Variants in STAC observed in about 807,000 individuals in gnomAD.
STAC encodes SH3 and cysteine rich domain, also known as SH3 and cysteine-rich domain-containing protein.
Under a neutral mutation model 48.8 loss-of-function variants are expected in STAC, and 43 were observed. The observed-to-expected ratio is 0.88, with a 90% CI of 0.69 to 1.14. The LOEUF (loss-of-function observed/expected upper bound fraction) is 1.14, where lower values mean the gene tolerates loss of function less well. Ranked by LOEUF, STAC falls within the 50% of genes most tolerant of loss-of-function variation. The probability of loss-of-function intolerance (pLI) is 0.00; values close to 1 mark genes in which losing one functional copy is unlikely to be tolerated. For missense variants in STAC, 497 were observed against 504.0 expected (o/e 0.99, Z 0.13); for synonymous variants, 193 against 179.5 (o/e 1.07, Z -0.60).
intron 10 of STAC, among the ~76,000 whole-genome samples, chr3:36,535,256 C>T (rs1364485126): frequency 4.6e-5 from 7 of 152,102 alleles, no homozygotes; most frequent in Admixed American, 4.6e-4. Context: ...AGTTCATTCA[C>T]GATTTGGCTC....
intron 1 of STAC, among the ~76,000 whole-genome samples, chr3:36,390,454 T>TG: frequency 7.4e-6 from 1 of 134,680 alleles, no homozygotes; most frequent in Non-Finnish European, 1.5e-5. Flanking sequence ...TTCTTTTCTT[T>TG]TTTTTTTTTT....
At chr3:36,498,618 T>C (rs1031019193) in intron 6 of STAC, among the ~76,000 whole-genome samples, 3 of 151,670 alleles carry the variant, frequency 2.0e-5, no homozygotes, top group African/African-American at 7.2e-5. Context: ...CCAGGCGTGG[T>C]GGTGCCTGTC....
intron 8 of STAC, among the ~76,000 whole-genome samples, chr3:36,515,068 T>C (rs1279347208): frequency 1.4e-5 from 2 of 141,814 alleles, no homozygotes; most frequent in Admixed American, 6.9e-5. Flanking sequence ...AATAATAATA[T>C]AATGGAAACT....
intron 10 of STAC, among the ~76,000 whole-genome samples, chr3:36,544,955 CA>C (rs1246733078): frequency 6.6e-6 from 1 of 152,178 alleles, no homozygotes; most frequent in Non-Finnish European, 1.5e-5. Context: ...TTGTATGTCC[CA>C]AGCTCCAGGA....
chr3:36,515,299 G>C (rs951614678), intron 8 of STAC, among the ~76,000 whole-genome samples: 2 of 152,170 alleles, frequency 1.3e-5, no homozygotes, highest in Admixed American at 6.5e-5. Flanking sequence ...CTGAGAGGAA[G>C]GGTGGCCTCA....
intron 2 of STAC, among the ~76,000 whole-genome samples, chr3:36,464,174 G>A (rs953607894): frequency 3.3e-5 from 5 of 152,150 alleles, no homozygotes; most frequent in African/African-American, 1.2e-4. Flanking sequence ...ATCCTCTCCA[G>A]CACCTGTTGT....
chr3:36,493,085 A>C, intron 5 of STAC, 66 bp from the exon 6 acceptor site: 5 of 1,486,950 alleles, frequency 3.4e-6, no homozygotes, highest in Non-Finnish European at 4.7e-6. Context: ...CTTACACCAA[A>C]GTATCTGCTC....
intron 10 of STAC, among the ~76,000 whole-genome samples, chr3:36,535,600 T>C (rs1038546534): frequency 1.3e-5 from 2 of 152,180 alleles, no homozygotes; most frequent in South Asian, 2.1e-4. Flanking sequence ...ATATTGGCTG[T>C]GGGTTTGCCA....
chr3:36,439,582 C>A (rs115119362), intron 1 of STAC, among the ~76,000 whole-genome samples: 1 of 152,298 alleles, frequency 6.6e-6, no homozygotes, highest in African/African-American at 2.4e-5. Flanking sequence ...TTGGCAGATT[C>A]TTTACCTTCC....
chr3:36,389,212 C>A (rs75548929), intron 1 of STAC, among the ~76,000 whole-genome samples: 4,820 of 152,166 alleles, frequency 0.032, 240 homozygotes, highest in African/African-American at 0.11. Context: ...GCTGCTAAAA[C>A]AAAATGTCAT....
chr3:36,502,517 T>G (rs567592623), intron 6 of STAC, among the ~76,000 whole-genome samples: 1 of 152,258 alleles, frequency 6.6e-6, no homozygotes, highest in South Asian at 2.1e-4. Flanking sequence ...AGAGGGAGAT[T>G]CAATACAAAA....
intron 2 of STAC, among the ~76,000 whole-genome samples, chr3:36,456,857 A>C (rs1440593937): frequency 6.6e-6 from 1 of 152,118 alleles, no homozygotes; most frequent in African/African-American, 2.4e-5. Flanking sequence ...ACCCTGATTC[A>C]AGCTTTAGTA....
rs768848684 is a variant in STAC at position 36,546,336 on chromosome 3, C to T, written c.*47C>T. 6.6e-7 allele frequency: 1 copy of T among 1,523,566 alleles called. No individual in the cohort carries two copies. The highest frequency in any genetic ancestry group is 1.1e-5 in the South Asian group (1 of 89,182). The allele number at this position is 1,523,566 out of a possible 1,614,324, so 94.4% of individuals were successfully genotyped here. On this transcript the variant is annotated 3_prime_UTR_variant, in exon 11 of 11. Transcript: ENST00000273183. ...GCAGTAGGCAAGCTCTGCTGCGATG[C>T]CTCTGCCTCATCTCACACTGCGTCA...
intron 2 of STAC, among the ~76,000 whole-genome samples, chr3:36,479,095 T>A (rs1282978055): frequency 6.6e-6 from 1 of 152,210 alleles, no homozygotes; most frequent in Non-Finnish European, 1.5e-5. Flanking sequence ...TTTTCCTCTG[T>A]CTTGATTTAG....
At chr3:36,430,814 A>G (rs1255810856) in intron 1 of STAC, among the ~76,000 whole-genome samples, 2 of 152,192 alleles carry the variant, frequency 1.3e-5, no homozygotes, top group South Asian at 2.1e-4. Context: ...GTGTCCTCAC[A>G]TGATTTTTCC....
chr3:36,539,569 G>A (rs1414708893), intron 10 of STAC, among the ~76,000 whole-genome samples: 1 of 152,070 alleles, frequency 6.6e-6, no homozygotes, highest in Admixed American at 6.6e-5. Context: ...AGTATTCCAT[G>A]GTGTATATGT....
At position 36,443,242 on chromosome 3, in the gene STAC, C is replaced by T. The variant is rs1474642029; in HGVS notation, c.112-122C>T. ...CCACCCACACAGGGACATTTATGAG[C>T]CTCCTCAAGACGGAGGGTGTCAGTG... is the stretch of plus-strand genomic sequence containing the variant. On this transcript the variant is annotated intron_variant, in intron 1 of 10. Transcript: ENST00000273183. This position sits in a 1 kb window ranked among gnomAD's most constrained non-coding sequence, Gnocchi z 4.2. The T allele has an allele frequency of 8.6e-7, 1 of 1,167,300 alleles. No individual in the cohort carries two copies. The highest frequency in any genetic ancestry group is 2.5e-5 in the East Asian group (1 of 39,638). The allele number at this position is 1,167,300 out of a possible 1,614,324, so 72.3% of individuals were successfully genotyped here.
intron 2 of STAC, among the ~76,000 whole-genome samples, chr3:36,463,922 T>G (rs569289853): frequency 0.031 from 4,713 of 152,188 alleles, 219 homozygotes; most frequent in African/African-American, 0.11. Flanking sequence ...CTATCATTGT[T>G]GGACATTTGG....
intron 5 of STAC, 51 bp downstream of exon 5, chr3:36,486,300 C>A (rs746325285): frequency 1.3e-6 from 2 of 1,531,976 alleles, no homozygotes; most frequent in Admixed American, 1.7e-5. Context: ...TTGGGCAGAG[C>A]GGGCCTCAGG....
Sources: gnomAD v4.1 joint callset for allele counts (sites outside exome capture counted in the v4.1 genomes callset) on GRCh38, gnomAD v4.1.1 for gene constraint, Gnocchi (gnomAD v3.1) non-coding constraint, MANE v1.5 for transcripts, NCBI Gene and HGNC (gene_info 2026-07-23, HGNC 2026-07-21) for gene names.